ANKRD6: variants seen among roughly 807,000 people sequenced by gnomAD.
The protein encoded by ANKRD6 is ankyrin repeat domain-containing protein 6.
A neutral mutation model predicts 82.3 loss-of-function variants in ANKRD6; 56 were observed. That is an observed-to-expected ratio of 0.68 (90% CI 0.55 to 0.85). The LOEUF is 0.85. ANKRD6 is among the 40% of genes least tolerant of loss of function. ANKRD6 has a pLI of 0.00. For missense variants in ANKRD6, 852 were observed against 907.6 expected (o/e 0.94, Z 0.79); for synonymous variants, 347 against 352.1 (o/e 0.99, Z 0.16).
Position 89,467,752 on chromosome 6 carries a change from C to G in ANKRD6, c.-144+34377C>G, listed in dbSNP as rs544117332. Among the ~76,000 whole-genome samples, 32 of 152,316 alleles carry G rather than the reference C, an allele frequency of 2.1e-4. 1 individual carries two copies. The highest frequency in any genetic ancestry group is 3.4e-3 in the Middle Eastern group (1 of 294). ...TGGAGAGTTATCCCAAGAGCTCCCCCTCTGTGGGCAGATAGATGATTGTTG... is the reference window on the plus strand; with the variant it reads ...TGGAGAGTTATCCCAAGAGCTCCCCGTCTGTGGGCAGATAGATGATTGTTG... On this transcript the variant is annotated intron_variant, in intron 1 of 15. Transcript: ENST00000339746.
At chr6:89,491,520 C>T (rs1231492192) in intron 1 of ANKRD6, among the ~76,000 whole-genome samples, 2 of 152,008 alleles carry the variant, frequency 1.3e-5, no homozygotes, top group African/African-American at 4.8e-5. Context: ...CCATCATTCT[C>T]AGCAAACTAT....
chr6:89,562,273 G>A (rs1190958677), intron 1 of ANKRD6: 3 of 152,214 alleles, frequency 2.0e-5, no homozygotes, highest in Non-Finnish European at 2.9e-5. Context: ...CAAACGTCGG[G>A]AACAGCTGCT....
At chr6:89,511,949 ATTTTT>A (rs200081437) in intron 1 of ANKRD6, among the ~76,000 whole-genome samples, 1 of 150,452 alleles carries the variant, frequency 6.6e-6, no homozygotes, top group African/African-American at 2.4e-5. Context: ...CATTAAAAAA[ATTTTT>A]TTTTTGTAGA....
chr6:89,513,616 A>G (rs1780835952), intron 1 of ANKRD6, among the ~76,000 whole-genome samples: 1 of 152,236 alleles, frequency 6.6e-6, no homozygotes. Flanking sequence ...CTATTTATGT[A>G]CATTTTGGTT....
At chr6:89,627,442 T>C in intron 13 of ANKRD6, 141 bp from the exon 14 acceptor site, 2 of 619,558 alleles carry the variant, frequency 3.2e-6, no homozygotes, top group Non-Finnish European at 2.8e-6. Context: ...GAGTCCTACA[T>C]GCAAATGGAA....
At chr6:89,459,067 A>T (rs754420856) in intron 1 of ANKRD6, among the ~76,000 whole-genome samples, 2 of 152,128 alleles carry the variant, frequency 1.3e-5, no homozygotes, top group African/African-American at 4.8e-5. Context: ...TTGTCTTCTT[A>T]AAATGAATAT....
intron 1 of ANKRD6, among the ~76,000 whole-genome samples, chr6:89,487,886 A>G (rs1256112385): frequency 6.6e-6 from 1 of 152,242 alleles, no homozygotes; most frequent in African/African-American, 2.4e-5. Flanking sequence ...TAGCTACATA[A>G]ATTGTGAAAT....
intron 2 of ANKRD6, among the ~76,000 whole-genome samples, chr6:89,575,134 G>A (rs1214073272): frequency 6.6e-6 from 1 of 152,190 alleles, no homozygotes; most frequent in Non-Finnish European, 1.5e-5. Flanking sequence ...TATGAGGCAG[G>A]ACCCTCTCTG....
At chr6:89,533,767 T>TGTGA (rs1783486071) in intron 1 of ANKRD6, among the ~76,000 whole-genome samples, 1 of 143,080 alleles carries the variant, frequency 7.0e-6, no homozygotes, top group Non-Finnish European at 1.6e-5. Flanking sequence ...TGTGTGTGTG[T>TGTGA]GAATGAATGC....
chr6:89,531,319 T>A (rs1783118318), intron 1 of ANKRD6, among the ~76,000 whole-genome samples: 1 of 152,260 alleles, frequency 6.6e-6, no homozygotes, highest in Admixed American at 6.5e-5. Flanking sequence ...TATGCTCAAA[T>A]GGAGAGAACC....
chr6:89,576,817 T>TC, intron 2 of ANKRD6, among the ~76,000 whole-genome samples: 1 of 152,268 alleles, frequency 6.6e-6, no homozygotes, highest in Admixed American at 6.5e-5. Flanking sequence ...TCATCTGCTC[T>TC]CCCTCTGGAC....
chr6:89,471,019 C>A (rs1292201414), intron 1 of ANKRD6, among the ~76,000 whole-genome samples: 3 of 151,958 alleles, frequency 2.0e-5, no homozygotes, highest in Non-Finnish European at 4.4e-5. Context: ...GTTTGAAAAT[C>A]ATTGTGTAAG....
At chr6:89,609,721 G>A (rs900796929) in intron 5 of ANKRD6, among the ~76,000 whole-genome samples, 5 of 151,892 alleles carry the variant, frequency 3.3e-5, no homozygotes, top group African/African-American at 1.2e-4. Context: ...AAGCTATTAC[G>A]CTGCCTCAGC....
rs1804601370 is a variant in ANKRD6 at position 89,623,878 on chromosome 6, G to A, written c.1039G>A (p.Ala347Thr). 1 of 1,612,194 alleles carries A rather than the reference G, an allele frequency of 6.2e-7. No individual in the cohort carries two copies. Among genetic ancestry groups the A allele is most frequent in the African/African-American group, 1.3e-5 (1 of 74,884 alleles). The part of the protein sequence containing the change: ...RRRKSRPKVS[A>T]FSDPTPPADQ... ...GTCTCTTCCTCTCTTACAGGTGTCA[G>A]CATTTTCTGACCCCACCCCACCAGC... The change falls in exon 12 of 16, where the codon GCA becomes ACA. Residue 347 changes from alanine to threonine, a missense_variant. Ala to Thr is a moderately conservative substitution (Grantham distance 58, BLOSUM62 0). Coordinates refer to ENST00000339746, the MANE Select transcript of ANKRD6 (RefSeq NM_001242809.2).
At chr6:89,594,420 C>T (rs1472284876) in intron 2 of ANKRD6, among the ~76,000 whole-genome samples, 3 of 151,496 alleles carry the variant, frequency 2.0e-5, no homozygotes, top group Non-Finnish European at 4.4e-5. Flanking sequence ...TGCCATTGCA[C>T]TCCAGCCTGG....
Position 89,616,671 on chromosome 6 carries a change from C to G in ANKRD6, c.714+14C>G. Reference sequence around the variant, plus strand: ...ATTGTTAACAATGTAAGTTGAGTTGCAACATTGCTTTCTAAAGTGGTTCCC... The same window carrying G: ...ATTGTTAACAATGTAAGTTGAGTTGGAACATTGCTTTCTAAAGTGGTTCCC... On this transcript the variant is annotated intron_variant, in intron 8 of 15. Transcript: ENST00000339746. 1 of 1,612,878 alleles carries G rather than the reference C, an allele frequency of 6.2e-7. No homozygotes were observed. Among genetic ancestry groups the G allele is most frequent in the Non-Finnish European group, 8.5e-7 (1 of 1,178,860 alleles).
chr6:89,600,601 G>A (rs1033803772), intron 3 of ANKRD6, among the ~76,000 whole-genome samples: 4 of 152,268 alleles, frequency 2.6e-5, no homozygotes, highest in Admixed American at 6.5e-5. Context: ...AGCTGCAGTC[G>A]CGTGGTTCTT....
rs964432370 is a variant in ANKRD6 at position 89,629,802 on chromosome 6, T to C, written c.1612+564T>C. Among the ~76,000 whole-genome samples, 8 of 152,232 alleles carry C rather than the reference T, an allele frequency of 5.3e-5. No homozygotes were observed. In the East Asian group the frequency reaches 1.5e-3, roughly 29 times the overall value. On this transcript the variant is annotated intron_variant, in intron 15 of 15. Coordinates refer to ENST00000339746, the MANE Select transcript of ANKRD6 (RefSeq NM_001242809.2). ...CAGAGCCTGGGTAACTAGGCCTCAG[T>C]GGGGGATTTTGATATAAGTGCTTTG... is the stretch of plus-strand genomic sequence containing the variant.
Position 89,624,014 on chromosome 6 carries a change from A to G in ANKRD6, c.1175A>G (p.Gln392Arg), listed in dbSNP as rs1292900982. The G allele has an allele frequency of 1.9e-6, 3 of 1,611,964 alleles. No homozygotes were observed. Among genetic ancestry groups the G allele is most frequent in the Admixed American group, 3.3e-5 (2 of 59,702 alleles). The change falls in exon 12 of 16, where the codon CAG becomes CGG. Residue 392 changes from glutamine (Q) to arginine (R), a missense_variant. Physicochemically the swap from Gln to Arg is conservative, Grantham distance 43. Transcript: ENST00000339746. Reference sequence around the variant, plus strand: ...CCACCCCATGAGTTCAGGGCGTATCAGCTCTACACATTGTACCGGGGCAAG... The same window carrying G: ...CCACCCCATGAGTTCAGGGCGTATCGGCTCTACACATTGTACCGGGGCAAG... Reference protein sequence around the residue: ...PPPPHEFRAYQLYTLYRGKDG... With the variant: ...PPPPHEFRAYRLYTLYRGKDG...
Sources: allele counts gnomAD v4.1 joint callset (sites outside exome capture counted in the v4.1 genomes callset), GRCh38; gene constraint gnomAD v4.1.1; transcripts MANE v1.5; gene names NCBI Gene and HGNC (gene_info 2026-07-23, HGNC 2026-07-21).